The following RAPGEF5 variants were observed in gnomAD, a reference collection of about 807,000 sequenced individuals.
RAPGEF5 encodes Rap guanine nucleotide exchange factor 5, also known as M-Ras-regulated GEF.
In RAPGEF5, 65 loss-of-function variants were observed where a neutral mutation model predicts 125.2. The observed-to-expected ratio is 0.52, with a 90% CI of 0.43 to 0.64. The LOEUF is 0.64. RAPGEF5 is among the 30% of genes least tolerant of loss of function. The pLI, the probability that RAPGEF5 is intolerant of heterozygous loss-of-function variation, is 0.00. For synonymous variants in RAPGEF5, 391 were observed against 385.9 expected (o/e 1.01, Z -0.16); for missense variants, 958 against 1,048.1 (o/e 0.91, Z 1.19).
At chr7:22,267,563 G>A (rs1373030043) in intron 6 of RAPGEF5, among the ~76,000 whole-genome samples, 1 of 152,046 alleles carries the variant, frequency 6.6e-6, no homozygotes, top group East Asian at 1.9e-4. Context: ...CATAGGGCAG[G>A]TGAAATGGGA....
intron 1 of RAPGEF5, among the ~76,000 whole-genome samples, chr7:22,332,711 T>C (rs571301246): frequency 6.6e-6 from 1 of 152,366 alleles, no homozygotes. Context: ...TTCTTTCACA[T>C]AGTCCTCACC....
At chr7:22,152,363 A>G (rs775908918) in intron 17 of RAPGEF5, among the ~76,000 whole-genome samples, 16 of 152,130 alleles carry the variant, frequency 1.1e-4, no homozygotes, top group Non-Finnish European at 1.5e-4. Flanking sequence ...GTGCCTATGT[A>G]TACTTTAAAT....
chr7:22,323,072 C>T (rs966248622), intron 1 of RAPGEF5, among the ~76,000 whole-genome samples: 20 of 152,298 alleles, frequency 1.3e-4, no homozygotes, highest in African/African-American at 4.8e-4. Context: ...GCCACTGTTT[C>T]AGCAAATCCT....
chr7:22,277,193 ATGT>A, intron 6 of RAPGEF5, among the ~76,000 whole-genome samples: 1 of 152,310 alleles, frequency 6.6e-6, no homozygotes, highest in South Asian at 2.1e-4. Flanking sequence ...GCCTTTATAA[ATGT>A]ATGAAGGACA....
chr7:22,167,406 T>G (rs1451478059), intron 11 of RAPGEF5, among the ~76,000 whole-genome samples: 1 of 152,256 alleles, frequency 6.6e-6, no homozygotes, highest in Admixed American at 6.5e-5. Context: ...TGTTATCATC[T>G]TGTTTTCCTG....
chr7:22,301,395 C>G (rs1359195844), intron 5 of RAPGEF5, among the ~76,000 whole-genome samples: 3 of 152,018 alleles, frequency 2.0e-5, no homozygotes, highest in Non-Finnish European at 1.5e-5. Flanking sequence ...GCGGGTGGAT[C>G]ACAAGGTCAG....
At chr7:22,253,156 G>C (rs1356558731) in intron 7 of RAPGEF5, among the ~76,000 whole-genome samples, 2 of 152,190 alleles carry the variant, frequency 1.3e-5, no homozygotes, top group Non-Finnish European at 2.9e-5. Flanking sequence ...AATCAGCATG[G>C]TGTTAGGCAA....
At chr7:22,270,887 G>A (rs1201350259) in intron 6 of RAPGEF5, among the ~76,000 whole-genome samples, 1 of 152,160 alleles carries the variant, frequency 6.6e-6, no homozygotes, top group Non-Finnish European at 1.5e-5. Context: ...CTAGAGTTTT[G>A]CCACCAAATA....
intron 6 of RAPGEF5, among the ~76,000 whole-genome samples, chr7:22,272,232 A>T (rs552501439): frequency 2.0e-5 from 3 of 151,192 alleles, no homozygotes; most frequent in South Asian, 2.1e-4. Context: ...AATCTCAGCT[A>T]CTCGGGAGGC....
intron 6 of RAPGEF5, among the ~76,000 whole-genome samples, chr7:22,269,196 A>G (rs1176080995): frequency 3.3e-5 from 5 of 151,334 alleles, no homozygotes; most frequent in Non-Finnish European, 7.4e-5. Context: ...AAAAAAAAAA[A>G]AAAAGAAACC....
intron 9 of RAPGEF5, chr7:22,202,958 C>T: frequency 3.1e-6 from 1 of 317,870 alleles, no homozygotes; most frequent in Non-Finnish European, 6.4e-6. Flanking sequence ...TAACTGTATG[C>T]CATCCAAGTA....
rs1782586894 is a variant in RAPGEF5, at chr7:22,121,682, A to G, written c.*724T>C. 4 of 152,340 alleles carry G rather than the reference A, an allele frequency of 2.6e-5. No homozygotes were observed. The highest frequency in any genetic ancestry group is 4.8e-5 in the African/African-American group (2 of 41,454). 9.4% of individuals were successfully genotyped at this position (152,340 alleles called of 1,614,324 possible). A position where few individuals can be genotyped will look rare whatever the true frequency, so the allele number is the denominator to read the frequency against. On this transcript the variant is annotated 3_prime_UTR_variant, in exon 26 of 26. Transcript: ENST00000665637. ...ATGAGTCAATTTCTTAAAGATTACT[A>G]TTTTTCCTTACTGGCAAAGCAACTT...
intron 9 of RAPGEF5, among the ~76,000 whole-genome samples, chr7:22,199,743 C>G (rs933112795): frequency 3.3e-5 from 5 of 151,968 alleles, no homozygotes; most frequent in Admixed American, 6.6e-5. Flanking sequence ...ACTTTCTGAG[C>G]CACTCTACCC....
At chr7:22,178,685 T>A (rs1270158648) in intron 11 of RAPGEF5, among the ~76,000 whole-genome samples, 1 of 152,200 alleles carries the variant, frequency 6.6e-6, no homozygotes, top group African/African-American at 2.4e-5. Flanking sequence ...GGGTTCACTA[T>A]CTTCATGGCA....
At chr7:22,137,782 G>A (rs190824998) in intron 21 of RAPGEF5, among the ~76,000 whole-genome samples, 2 of 152,036 alleles carry the variant, frequency 1.3e-5, no homozygotes, top group East Asian at 1.9e-4. Context: ...AAAAGTACAC[G>A]GTCCTTGGCT....
intron 11 of RAPGEF5, chr7:22,192,768 T>C (rs1785034664): frequency 6.6e-6 from 1 of 152,554 alleles, no homozygotes; most frequent in Non-Finnish European, 1.5e-5. Context: ...ACTCTCAGAT[T>C]AAATTTAAAA....
At chr7:22,314,407 G>A (rs1783544360) in intron 3 of RAPGEF5, among the ~76,000 whole-genome samples, 2 of 152,194 alleles carry the variant, frequency 1.3e-5, no homozygotes, top group South Asian at 4.1e-4. Context: ...AAGGGGGTCG[G>A]TGGTCTCACT....
Position 22,203,914 on chromosome 7 carries a change from A to G in RAPGEF5, c.997-9881T>C, listed in dbSNP as rs151123889. Among the ~76,000 whole-genome samples, 1,073 of 152,314 alleles carry G rather than the reference A, an allele frequency of 7.0e-3. 7 individuals carry two copies. Among genetic ancestry groups the G allele is most frequent in the Non-Finnish European group, 0.01 (713 of 68,022 alleles). On this transcript the variant is annotated intron_variant, in intron 9 of 25. Transcript: ENST00000665637. ...AGAAATCTAAATTAGATCCTTAAGCATTTCCTGAAATGTAGAAGAAGAAAG... is the reference window on the plus strand; with the variant it reads ...AGAAATCTAAATTAGATCCTTAAGCGTTTCCTGAAATGTAGAAGAAGAAAG...
intron 6 of RAPGEF5, among the ~76,000 whole-genome samples, chr7:22,285,096 C>T (rs1250082110): frequency 1.3e-5 from 2 of 152,166 alleles, no homozygotes; most frequent in African/African-American, 2.4e-5. Flanking sequence ...CACAGAGCAC[C>T]GTGGAGTACC....
Sources: gnomAD v4.1 joint callset for allele counts (sites outside exome capture counted in the v4.1 genomes callset) on GRCh38, gnomAD v4.1.1 for gene constraint, MANE v1.5 for transcripts, NCBI Gene and HGNC (gene_info 2026-07-23, HGNC 2026-07-21) for gene names.